The following FGF14 variants were observed in gnomAD, a reference collection of about 807,000 sequenced individuals.
The protein encoded by FGF14 is fibroblast growth factor homologous factor 4.
A neutral mutation model predicts 25.5 loss-of-function variants in FGF14; 5 were observed. The observed-to-expected ratio is 0.20, with a 90% CI of 0.10 to 0.41. FGF14 has a LOEUF of 0.41. Among genes scored for constraint, FGF14 ranks in the 10% least tolerant of loss-of-function variants. FGF14 has a pLI of 1.00. For synonymous variants in FGF14, 138 were observed against 118.3 expected, an observed-to-expected ratio of 1.17 and a Z score of -1.08; for missense variants, 222 against 320.1, an observed-to-expected ratio of 0.69 and a Z score of 2.34.
At chr13:102,010,527 G>A (rs1251514866) in intron 1 of FGF14, among the ~76,000 whole-genome samples, 1 of 152,084 alleles carries the variant, frequency 6.6e-6, no homozygotes, top group East Asian at 1.9e-4. Flanking sequence ...TAAAGACAAT[G>A]TTATAAGCTT....
chr13:102,213,314 G>T (rs1218910971), intron 1 of FGF14, among the ~76,000 whole-genome samples: 3 of 152,142 alleles, frequency 2.0e-5, no homozygotes, highest in African/African-American at 7.2e-5. Flanking sequence ...AAATGAAAGG[G>T]TTTAGAACCT....
chr13:102,368,620 T>C (rs1344991179), intron 1 of FGF14, among the ~76,000 whole-genome samples: 1 of 152,182 alleles, frequency 6.6e-6, no homozygotes, highest in Non-Finnish European at 1.5e-5. Context: ...CTTAAGACAT[T>C]GAATGCAGCT....
chr13:102,231,330 A>G (rs927188898), intron 1 of FGF14, among the ~76,000 whole-genome samples: 8 of 152,188 alleles, frequency 5.3e-5, no homozygotes, highest in Non-Finnish European at 1.0e-4. Flanking sequence ...TTAAAAAGTA[A>G]TCTCCTTCAC....
chr13:101,987,689 T>C (rs541080603), intron 1 of FGF14, among the ~76,000 whole-genome samples: 5 of 152,290 alleles, frequency 3.3e-5, no homozygotes, highest in Admixed American at 6.5e-5. Context: ...TAGAGCAATG[T>C]TCTGCATGTG....
At chr13:101,788,318 T>C (rs1487620184) in intron 3 of FGF14, among the ~76,000 whole-genome samples, 3 of 152,216 alleles carry the variant, frequency 2.0e-5, no homozygotes, top group Non-Finnish European at 4.4e-5. Context: ...GTCTGCTTTC[T>C]GATTTCCCTG....
At chr13:102,340,552 T>C (rs2056919822) in intron 1 of FGF14, among the ~76,000 whole-genome samples, 1 of 151,812 alleles carries the variant, frequency 6.6e-6, no homozygotes, top group African/African-American at 2.4e-5. Flanking sequence ...CCAAAATATC[T>C]TTTACCATCA....
At chr13:101,819,826 T>C (rs548307283) in intron 3 of FGF14, among the ~76,000 whole-genome samples, 1 of 152,326 alleles carries the variant, frequency 6.6e-6, no homozygotes, top group South Asian at 2.1e-4. Flanking sequence ...CTTGGGACTT[T>C]AAATCCTCAC....
At chr13:101,850,790 C>T (rs1430758144) in intron 3 of FGF14, among the ~76,000 whole-genome samples, 1 of 150,194 alleles carries the variant, frequency 6.7e-6, no homozygotes, top group African/African-American at 2.4e-5. Context: ...GATTTTTGCT[C>T]AATCTGAAAT....
chr13:102,195,945 GA>G (rs2049331925), intron 1 of FGF14, among the ~76,000 whole-genome samples: 3 of 151,996 alleles, frequency 2.0e-5, no homozygotes, highest in Admixed American at 2.0e-4. Flanking sequence ...GTTGTAGACA[GA>G]CAGAAAACAG....
intron 1 of FGF14, among the ~76,000 whole-genome samples, chr13:102,071,986 G>T (rs1215504824): frequency 6.6e-6 from 1 of 152,054 alleles, no homozygotes; most frequent in Non-Finnish European, 1.5e-5. Flanking sequence ...AAAAGTAAAT[G>T]GAAAATATAA....
chr13:102,277,564 G>C (rs923640865), intron 1 of FGF14, among the ~76,000 whole-genome samples: 4 of 152,166 alleles, frequency 2.6e-5, no homozygotes, highest in Admixed American at 2.6e-4. Flanking sequence ...CAGGCAGATC[G>C]GGAGGCCAGC....
intron 3 of FGF14, among the ~76,000 whole-genome samples, chr13:101,756,605 T>C (rs561336626): frequency 1.4e-4 from 22 of 152,180 alleles, no homozygotes; most frequent in African/African-American, 4.8e-4. Flanking sequence ...CGGTGGCACA[T>C]GCCTGTAATC....
In FGF14 at chr13:102,140,055, C is replaced by CG. The variant is rs904644839; in HGVS notation, c.208+261415_208+261416insC. Among the ~76,000 whole-genome samples, 414 of 146,090 alleles carry CG rather than the reference C, an allele frequency of 2.8e-3. 5 individuals are homozygous for CG. The highest frequency in any genetic ancestry group is 8.9e-3 in the African/African-American group (348 of 39,034). ...CAAACTCTTCAAGACCCCCCCCCCC[C>CG]CTTACAGCAGTAAGTCATCCGTGTT... On this transcript the variant is annotated intron_variant, in intron 1 of 4. Transcript: ENST00000376131.
At chr13:101,893,804 AC>A in intron 1 of FGF14, among the ~76,000 whole-genome samples, 1 of 152,298 alleles carries the variant, frequency 6.6e-6, no homozygotes, top group Non-Finnish European at 1.5e-5. Context: ...ATTTTAGCCC[AC>A]AGAACTATAA....
chr13:102,391,604 G>A (rs1010096503), intron 1 of FGF14, among the ~76,000 whole-genome samples: 3 of 152,202 alleles, frequency 2.0e-5, no homozygotes, highest in Middle Eastern at 3.4e-3. Context: ...TCTGAGATGT[G>A]AGGTATTTTA....
intron 1 of FGF14, among the ~76,000 whole-genome samples, chr13:101,976,656 T>C (rs1302085618): frequency 2.0e-5 from 3 of 152,202 alleles, no homozygotes; most frequent in Admixed American, 1.3e-4. Context: ...TAGAATCAGA[T>C]TGGACACTGT....
At chr13:102,272,458 C>A (rs1333995731) in intron 1 of FGF14, among the ~76,000 whole-genome samples, 1 of 151,902 alleles carries the variant, frequency 6.6e-6, no homozygotes, top group Non-Finnish European at 1.5e-5. Flanking sequence ...TTTATTTCAC[C>A]CTTGTAAGTC....
At chr13:101,935,864 G>T (rs1440320557) in intron 1 of FGF14, among the ~76,000 whole-genome samples, 2 of 152,176 alleles carry the variant, frequency 1.3e-5, no homozygotes, top group African/African-American at 4.8e-5. Flanking sequence ...TACCGTGACT[G>T]ATTAATTTGA....
At chr13:102,335,312 T>G (rs2056759856) in intron 1 of FGF14, among the ~76,000 whole-genome samples, 1 of 152,232 alleles carries the variant, frequency 6.6e-6, no homozygotes. Flanking sequence ...GTTTGGTCTT[T>G]CCTGCTGAAA....
Sources: allele counts gnomAD v4.1 joint callset (sites outside exome capture counted in the v4.1 genomes callset), GRCh38; gene constraint gnomAD v4.1.1; transcripts MANE v1.5; gene names NCBI Gene and HGNC (gene_info 2026-07-23, HGNC 2026-07-21).